The following RBFOX1 variants were observed in gnomAD, a reference collection of about 807,000 sequenced individuals.
The protein encoded by RBFOX1 is RNA binding protein fox-1 homolog 1.
Under a neutral mutation model 57.7 loss-of-function variants are expected in RBFOX1, and 8 were observed. That is an observed-to-expected ratio of 0.14 (90% CI 0.08 to 0.25). The LOEUF is 0.25. Ranked by LOEUF, RBFOX1 falls within the 10% of genes least tolerant of loss-of-function variation. RBFOX1 has a pLI of 1.00. For synonymous variants in RBFOX1, 326 were observed against 222.4 expected (o/e 1.47, Z -4.15); for missense variants, 611 against 548.5 (o/e 1.11, Z -1.14).
chr16:5,952,282 C>T (rs577948564), intron 4 of RBFOX1, among the ~76,000 whole-genome samples: 7 of 152,092 alleles, frequency 4.6e-5, no homozygotes, highest in African/African-American at 1.7e-4. Flanking sequence ...TCCTGAGTAG[C>T]TGGGATTACA....
intron 2 of RBFOX1, among the ~76,000 whole-genome samples, chr16:6,402,338 A>G (rs908755113): frequency 6.6e-6 from 1 of 152,218 alleles, no homozygotes; most frequent in African/African-American, 2.4e-5. Flanking sequence ...CCTTTGTTAT[A>G]GGAGGATAAG....
intron 6 of RBFOX1, among the ~76,000 whole-genome samples, chr16:7,581,749 C>T (rs1006836529): frequency 6.6e-6 from 1 of 152,156 alleles, no homozygotes. Context: ...CAAGTTCTCA[C>T]TCTGCTACCC....
intron 2 of RBFOX1, among the ~76,000 whole-genome samples, chr16:5,489,298 A>T (rs2042748326): frequency 6.6e-6 from 1 of 152,254 alleles, no homozygotes; most frequent in Admixed American, 6.5e-5. Flanking sequence ...TGAATTGAGA[A>T]TTATTAGCTT....
At chr16:6,688,012 G>C (rs1032146860) in intron 3 of RBFOX1, among the ~76,000 whole-genome samples, 10 of 152,202 alleles carry the variant, frequency 6.6e-5, no homozygotes, top group Admixed American at 2.0e-4. Flanking sequence ...GCCAAGCACT[G>C]TGCTATGCAC....
chr16:5,750,009 G>C (rs2053133304), intron 3 of RBFOX1, among the ~76,000 whole-genome samples: 2 of 152,076 alleles, frequency 1.3e-5, no homozygotes, highest in South Asian at 4.1e-4. Context: ...ATGTACCTTT[G>C]GTCTTTTATG....
chr16:5,761,063 G>T (rs928074901), intron 3 of RBFOX1, among the ~76,000 whole-genome samples: 1 of 152,210 alleles, frequency 6.6e-6, no homozygotes, highest in East Asian at 1.9e-4. Context: ...TCTGGGGCAG[G>T]AAGGATCCAG....
chr16:6,552,264 A>G (rs1425272899), intron 2 of RBFOX1, among the ~76,000 whole-genome samples: 1 of 152,248 alleles, frequency 6.6e-6, no homozygotes, highest in Admixed American at 6.5e-5. Context: ...AAGGAGGGCA[A>G]CCCCTTTTCT....
chr16:5,691,478 C>A (rs1033980118), intron 3 of RBFOX1, among the ~76,000 whole-genome samples: 1 of 152,180 alleles, frequency 6.6e-6, no homozygotes, highest in African/African-American at 2.4e-5. Flanking sequence ...TTCATGGCAA[C>A]TTTTAAAATA....
At chr16:6,917,061 G>A (rs746716719) in intron 3 of RBFOX1, among the ~76,000 whole-genome samples, 2 of 152,146 alleles carry the variant, frequency 1.3e-5, no homozygotes, top group Non-Finnish European at 2.9e-5. Context: ...TTGTTGGACA[G>A]GCTAGTCCTG....
intron 4 of RBFOX1, among the ~76,000 whole-genome samples, chr16:7,070,184 G>A (rs1487642878): frequency 6.6e-6 from 1 of 152,190 alleles, no homozygotes; most frequent in South Asian, 2.1e-4. Flanking sequence ...GGCTCACTGA[G>A]CGATCAGAGC....
At chr16:7,587,145 T>A in intron 6 of RBFOX1, 102 bp from the exon 7 acceptor site, 2 of 1,280,272 alleles carry the variant, frequency 1.6e-6, no homozygotes, top group Non-Finnish European at 2.0e-6. Flanking sequence ...ATCCTTGGTA[T>A]TAAAAGAGAA....
At chr16:6,263,467 C>T (rs1259720940) in intron 1 of RBFOX1, among the ~76,000 whole-genome samples, 6 of 152,156 alleles carry the variant, frequency 3.9e-5, no homozygotes, top group South Asian at 2.1e-4. Context: ...TTTCTGGAAT[C>T]GCCTGATTTG....
intron 1 of RBFOX1, among the ~76,000 whole-genome samples, chr16:5,254,560 T>C (rs112433259): frequency 2.0e-5 from 3 of 152,332 alleles, no homozygotes; most frequent in African/African-American, 7.2e-5. Flanking sequence ...TTATGCAAAA[T>C]TAACACTTCT....
chr16:6,147,834 G>A (rs12924838), intron 1 of RBFOX1, among the ~76,000 whole-genome samples: 59,257 of 152,046 alleles, frequency 0.39, 13,251 homozygotes, highest in African/African-American at 0.61. Flanking sequence ...TCTCCTTTCA[G>A]TCTATCAACA....
intron 1 of RBFOX1, among the ~76,000 whole-genome samples, chr16:6,225,018 TCA>T (rs1491288088): frequency 6.9e-5 from 1 of 14,418 alleles, no homozygotes; most frequent in African/African-American, 3.0e-4. Context: ...AAACTCCATC[TCA>T]AAAAAAAAAA....
intron 1 of RBFOX1, among the ~76,000 whole-genome samples, chr16:5,290,591 A>G (rs765361395): frequency 1.3e-5 from 2 of 152,182 alleles, no homozygotes; most frequent in African/African-American, 4.8e-5. Flanking sequence ...CCTTGAAGAG[A>G]TGACACTTAA....
At chr16:6,808,065 CTATA>C (rs1005071336) in intron 3 of RBFOX1, among the ~76,000 whole-genome samples, 5 of 147,906 alleles carry the variant, frequency 3.4e-5, no homozygotes, top group African/African-American at 1.0e-4. Context: ...TACAATAGAA[CTATA>C]TATATATAAT....
chr16:6,617,605 A>G (rs2098162636), intron 2 of RBFOX1, among the ~76,000 whole-genome samples: 1 of 152,064 alleles, frequency 6.6e-6, no homozygotes, highest in African/African-American at 2.4e-5. Flanking sequence ...GGGGGTTCCA[A>G]AGATTTACTA....
At chr16:7,104,320 G>A (rs1034662124) in intron 4 of RBFOX1, among the ~76,000 whole-genome samples, 1 of 152,132 alleles carries the variant, frequency 6.6e-6, no homozygotes, top group African/African-American at 2.4e-5. Context: ...GTTAGTTGAT[G>A]TAACTTCTCC....
Sources: allele counts gnomAD v4.1 joint callset (sites outside exome capture counted in the v4.1 genomes callset), GRCh38; gene constraint gnomAD v4.1.1; transcripts MANE v1.5; gene names NCBI Gene and HGNC (gene_info 2026-07-23, HGNC 2026-07-21).